TOP2B: variants seen among roughly 807,000 people sequenced by gnomAD.
The protein encoded by TOP2B is DNA topoisomerase 2-beta.
TOP2B carries 51 observed loss-of-function variants against 193.5 expected under a neutral mutation model. The observed-to-expected ratio is 0.26, with a 90% CI of 0.21 to 0.33. The LOEUF (loss-of-function observed/expected upper bound fraction) is 0.33, where lower values mean the gene tolerates loss of function less well. Among genes scored for constraint, TOP2B ranks in the 10% least tolerant of loss-of-function variants. TOP2B has a pLI of 1.00. For synonymous variants in TOP2B, 634 were observed against 635.7 expected, an observed-to-expected ratio of 1.00 and a Z score of 0.04; for missense variants, 1,378 against 1,909.3, an observed-to-expected ratio of 0.72 and a Z score of 5.19.
At chr3:25,663,433 G>A (rs1445989105) in intron 1 of TOP2B, among the ~76,000 whole-genome samples, 2 of 152,146 alleles carry the variant, frequency 1.3e-5, no homozygotes, top group Non-Finnish European at 2.9e-5. Context: ...AAATGCCGGC[G>A]AATTATCGAT....
At position 25,623,756 on chromosome 3, in the gene TOP2B, A is replaced by T; in HGVS notation, c.2496-10T>A. The stretch of plus-strand genomic sequence containing the variant: ...TAGCCTTGCTAAAGTGCTAATGAAA[A>T]CAAAAAGAAGCAAATGAAAAAATGT... On this transcript the variant is annotated splice_polypyrimidine_tract_variant and intron_variant, in intron 20 of 35. Transcript: ENST00000264331. The T allele has an allele frequency of 1.3e-6, 2 of 1,570,056 alleles. No homozygotes were observed. Among genetic ancestry groups the T allele is most frequent in the Non-Finnish European group, 1.7e-6 (2 of 1,148,884 alleles).
At chr3:25,649,258 C>G (rs765703787) in intron 1 of TOP2B, among the ~76,000 whole-genome samples, 22 of 152,068 alleles carry the variant, frequency 1.4e-4, no homozygotes, top group Non-Finnish European at 2.8e-4. Context: ...GGGCCACTAT[C>G]TATCAGAACA....
chr3:25,637,117 T>A, intron 6 of TOP2B, 98 bp downstream of exon 6: 1 of 868,312 alleles, frequency 1.2e-6, no homozygotes. Flanking sequence ...AAAAATGAAG[T>A]TATACAGGCA....
chr3:25,658,316 GTTAAGT>G (rs1301464768), intron 1 of TOP2B, among the ~76,000 whole-genome samples: 2 of 151,720 alleles, frequency 1.3e-5, no homozygotes, highest in African/African-American at 2.4e-5. Context: ...TTGAAAACTT[GTTAAGT>G]TTATTTGTAA....
chr3:25,617,238 T>G (rs1191147868), intron 25 of TOP2B, among the ~76,000 whole-genome samples: 1 of 152,028 alleles, frequency 6.6e-6, no homozygotes, highest in Admixed American at 6.5e-5. Flanking sequence ...AAAAAACATA[T>G]AGTTTAAACC....
At chr3:25,656,571 CTA>C (rs776690642) in intron 1 of TOP2B, among the ~76,000 whole-genome samples, 8 of 151,868 alleles carry the variant, frequency 5.3e-5, no homozygotes, top group Non-Finnish European at 8.8e-5. Flanking sequence ...TTTTATTGCT[CTA>C]GTTTTTATAG....
chr3:25,615,305 C>T lies in TOP2B; in HGVS notation c.3508-17G>A. ...CTCTCGCCCCTATAATAAAAAAGTA[C>T]AGTTTAAACATTCAATAGTTTTAAA... On this transcript the variant is annotated splice_polypyrimidine_tract_variant and intron_variant, in intron 26 of 35. Transcript: ENST00000264331. 5 of 1,592,920 alleles carry T rather than the reference C, an allele frequency of 3.1e-6. No homozygotes were observed. The highest frequency in any genetic ancestry group is 4.3e-6 in the Non-Finnish European group (5 of 1,171,444).
intron 1 of TOP2B, among the ~76,000 whole-genome samples, chr3:25,656,370 C>T (rs908824759): frequency 4.6e-5 from 7 of 151,938 alleles, no homozygotes; most frequent in Admixed American, 2.0e-4. Context: ...AGTCTGAGAC[C>T]GGAGGATCAA....
intron 10 of TOP2B, 68 bp from the exon 11 acceptor site, chr3:25,631,007 G>C: frequency 7.4e-7 from 1 of 1,350,422 alleles, no homozygotes; most frequent in Non-Finnish European, 9.9e-7. Context: ...AATGTATAGG[G>C]CCTAATGCAA....
intron 28 of TOP2B, among the ~76,000 whole-genome samples, chr3:25,610,807 A>G (rs1453658524): frequency 6.6e-6 from 1 of 152,240 alleles, no homozygotes; most frequent in Admixed American, 6.5e-5. Context: ...TTAAATGACT[A>G]GAAACAGAGA....
chr3:25,625,386 A>T (rs1215598136), intron 18 of TOP2B, among the ~76,000 whole-genome samples: 1 of 152,206 alleles, frequency 6.6e-6, no homozygotes, highest in Non-Finnish European at 1.5e-5. Context: ...TATAGTTTTC[A>T]TAAGGATTGC....
At position 25,636,010 on chromosome 3, in the gene TOP2B, T is replaced by C. The variant is rs766807580; in HGVS notation, c.778A>G (p.Met260Val). 2.5e-6 allele frequency: 4 copies of C among 1,613,498 alleles called. No homozygotes were observed. In the South Asian group the frequency reaches 3.3e-5, roughly 13 times the overall value. ...EKLDKDIVAL[M>V]TRRAYDLAGS... The stretch of plus-strand genomic sequence containing the variant: ...GCCAAATCATATGCCCTTCTAGTCA[T>C]GAGGGCCACAATATCCTTGTCAAGT... The change falls in exon 7 of 36, where the codon ATG (methionine) becomes GTG (valine). Residue 260 changes from methionine (M) to valine (V), a missense_variant. By Grantham distance (21) the Met-to-Val change is conservative. Transcript: ENST00000264331.
intron 1 of TOP2B, among the ~76,000 whole-genome samples, chr3:25,657,347 C>G (rs1421999484): frequency 6.6e-6 from 1 of 152,146 alleles, no homozygotes; most frequent in African/African-American, 2.4e-5. Context: ...TTAATACAAA[C>G]CACCTTTGGC....
intron 4 of TOP2B, among the ~76,000 whole-genome samples, chr3:25,641,197 A>G (rs1703252612): frequency 6.6e-6 from 1 of 152,122 alleles, no homozygotes; most frequent in Non-Finnish European, 1.5e-5. Context: ...GAACCACATA[A>G]AAGAACTAAA....
intron 1 of TOP2B, among the ~76,000 whole-genome samples, chr3:25,653,310 G>C (rs965697401): frequency 9.2e-5 from 14 of 152,016 alleles, no homozygotes; most frequent in African/African-American, 3.4e-4. Context: ...AAAACTAGAA[G>C]ACAGAACAAG....
chr3:25,633,159 A>T (rs1559502034), intron 8 of TOP2B, among the ~76,000 whole-genome samples: 1 of 152,092 alleles, frequency 6.6e-6, no homozygotes, highest in East Asian at 1.9e-4. Flanking sequence ...GCTCAATCCC[A>T]CAGGACTCCC....
chr3:25,627,608 T>C (rs1702839558), intron 15 of TOP2B, among the ~76,000 whole-genome samples: 1 of 152,094 alleles, frequency 6.6e-6, no homozygotes, highest in African/African-American at 2.4e-5. Flanking sequence ...ACTAGAGGAA[T>C]ATAATTAACA....
intron 28 of TOP2B, among the ~76,000 whole-genome samples, chr3:25,610,183 CAA>C (rs201683878): frequency 5.2e-5 from 7 of 133,888 alleles, no homozygotes; most frequent in African/African-American, 8.2e-5. Flanking sequence ...AACTCTGTCT[CAA>C]AAAAAAAAAA....
intron 33 of TOP2B, 44 bp downstream of exon 33, chr3:25,604,716 C>G: frequency 7.2e-7 from 1 of 1,381,588 alleles, no homozygotes; most frequent in South Asian, 1.3e-5. Context: ...TTTACATTAA[C>G]TATCTCTATC....
Sources: gnomAD v4.1 joint callset for allele counts (sites outside exome capture counted in the v4.1 genomes callset) on GRCh38, gnomAD v4.1.1 for gene constraint, MANE v1.5 for transcripts, NCBI Gene and HGNC (gene_info 2026-07-23, HGNC 2026-07-21) for gene names.